The following C5 variants were observed in gnomAD, a reference collection of about 807,000 sequenced individuals.
C5 encodes complement C5.
A neutral mutation model predicts 218.8 loss-of-function variants in C5; 140 were observed. The observed-to-expected ratio is 0.64, with a 90% confidence interval of 0.56 to 0.74. The LOEUF is 0.74. C5 is among the 30% of genes least tolerant of loss of function. C5 has a pLI of 0.00. For synonymous variants in C5, 614 were observed against 682.3 expected (o/e 0.90, Z 1.56); for missense variants, 1,700 against 1,969.6 (o/e 0.86, Z 2.59).
At chr9:121,050,804 TC>T (rs2047666144), upstream of C5, among the ~76,000 whole-genome samples, 1 of 152,158 alleles carries the variant, frequency 6.6e-6, no homozygotes, top group Admixed American at 6.5e-5. Flanking sequence ...AGGGAATTGT[TC>T]CTTGGTCTGT....
rs1303441461 is a variant in C5 at position 121,046,276 on chromosome 9, C to T, written c.173G>A (p.Ser58Asn). Residue 58 changes from serine (S) to asparagine (N), a missense_variant, in exon 2 of 41, where the codon AGT (serine) becomes AAT (asparagine). Ser to Asn is a conservative substitution (Grantham distance 46, BLOSUM62 1). Transcript: ENST00000223642. ...EAFDATISIK[S>N]YPDKKFSYSS... is the part of the protein sequence containing the mutation. ...GTAACTAAATTTTTTATCAGGATAA[C>T]TTTTAATAGAGATTGTTGCATCAAA... is the stretch of plus-strand genomic sequence containing the variant. The T allele has an allele frequency of 6.2e-7, 1 of 1,608,124 alleles. No homozygotes were observed. The highest frequency in any genetic ancestry group is 1.3e-5 in the African/African-American group (1 of 74,752).
intron 39 of C5, among the ~76,000 whole-genome samples, chr9:120,954,958 T>C (rs912222496): frequency 6.6e-6 from 1 of 152,228 alleles, no homozygotes; most frequent in African/African-American, 2.4e-5. Flanking sequence ...TGGGGCCTTA[T>C]TATTTTTTAA....
chr9:120,976,085 C>T (rs41311939), intron 29 of C5, among the ~76,000 whole-genome samples: 3,550 of 152,114 alleles, frequency 0.023, 56 homozygotes, highest in South Asian at 0.044. Context: ...TACTGAAGGC[C>T]CTCTCTACAT....
chr9:120,991,405 T>C, intron 22 of C5, 125 bp from the exon 23 acceptor site: 1 of 661,754 alleles, frequency 1.5e-6, no homozygotes, highest in Non-Finnish European at 2.7e-6. Context: ...ACTATTAAAA[T>C]TTTAAAAGAA....
the C5 span, among the ~76,000 whole-genome samples, chr9:121,061,334 A>C: frequency 6.6e-6 from 1 of 152,230 alleles, no homozygotes; most frequent in Non-Finnish European, 1.5e-5. Context: ...TAAAATATAA[A>C]CATAAAGCCT....
chr9:120,991,122 T>C, intron 23 of C5, 69 bp downstream of exon 23: 2 of 932,570 alleles, frequency 2.1e-6, no homozygotes, highest in South Asian at 1.3e-5. Flanking sequence ...AGAATAATCA[T>C]GAGGATATTT....
chr9:121,004,799 T>C (rs2047202890), intron 20 of C5, among the ~76,000 whole-genome samples: 1 of 152,096 alleles, frequency 6.6e-6, no homozygotes, highest in Non-Finnish European at 1.5e-5. Flanking sequence ...TTTGAGCATT[T>C]AAAAAATTGA....
At chr9:121,045,475 G>T (rs932738853) in intron 2 of C5, among the ~76,000 whole-genome samples, 1 of 151,742 alleles carries the variant, frequency 6.6e-6, no homozygotes, top group Admixed American at 6.6e-5. Flanking sequence ...AATATAATTC[G>T]AATTTTAAGC....
intron 20 of C5, among the ~76,000 whole-genome samples, chr9:121,002,868 T>C (rs1267896102): frequency 2.6e-5 from 4 of 152,164 alleles, no homozygotes; most frequent in Admixed American, 6.5e-5. Flanking sequence ...GTGGTGGGGA[T>C]GGAGCCAAAT....
chr9:120,992,730 A>T (rs2047086169), intron 22 of C5, among the ~76,000 whole-genome samples: 1 of 152,248 alleles, frequency 6.6e-6, no homozygotes. Context: ...TTCCAGACAG[A>T]TTAAAACATT....
intron 25 of C5, among the ~76,000 whole-genome samples, chr9:120,987,605 T>C: frequency 7.5e-6 from 1 of 133,006 alleles, no homozygotes; most frequent in Non-Finnish European, 1.6e-5. Flanking sequence ...GCCACTGCAC[T>C]CCAGCCTGGG....
intron 27 of C5, 100 bp from the exon 28 acceptor site, chr9:120,980,354 G>A: frequency 9.8e-7 from 1 of 1,022,128 alleles, no homozygotes; most frequent in Admixed American, 1.8e-5. Flanking sequence ...CAAGCAATAT[G>A]GGGGTGAAAA....
chr9:121,017,480 G>A lies in C5; in HGVS notation c.1748C>T (p.Ser583Phe). The A allele has an allele frequency of 6.2e-7, 1 of 1,613,870 alleles. No homozygotes were observed. The highest frequency in any genetic ancestry group is 1.1e-5 in the South Asian group (1 of 91,086). The change falls in exon 14 of 41, where the codon TCT (serine) becomes TTT (phenylalanine). Residue 583 changes from serine (S) to phenylalanine (F), a missense_variant. Coordinates refer to ENST00000223642, the MANE Select transcript of C5 (RefSeq NM_001735.3). ...ATTAAGAGACACAGTTTGGCCTGGA[G>A]AATATGCATCTGCATCAGGAGACAG... ...VHLSPDADAY[S>F]PGQTVSLNMA...
chr9:120,967,809 C>A (rs1481602929), intron 33 of C5, among the ~76,000 whole-genome samples: 1 of 151,990 alleles, frequency 6.6e-6, no homozygotes, highest in Non-Finnish European at 1.5e-5. Context: ...GCAGCCTCAA[C>A]CTCCTGGGCT....
At position 120,962,650 on chromosome 9, in the gene C5, T is replaced by A. The variant is rs1171617940; in HGVS notation, c.4504+21A>T. The A allele has an allele frequency of 2.0e-6, 3 of 1,490,334 alleles. No homozygotes were observed. In the Admixed American group the frequency reaches 5.0e-5, roughly 25 times the overall value. 92.3% of individuals were successfully genotyped at this position (1,490,334 alleles called of 1,614,324 possible). A position where few individuals can be genotyped will look rare whatever the true frequency, so the allele number is the denominator to read the frequency against. ...AATACAAAGTATTCTTCTGAAGAAA[T>A]GTTAGCATGGAGTTGATTACCTGGT... On this transcript the variant is annotated intron_variant, in intron 36 of 40. Coordinates refer to ENST00000223642, the MANE Select transcript of C5 (RefSeq NM_001735.3).
At chr9:120,983,929 C>G (rs773585577) in intron 25 of C5, among the ~76,000 whole-genome samples, 5 of 152,200 alleles carry the variant, frequency 3.3e-5, no homozygotes, top group Non-Finnish European at 7.3e-5. Context: ...ATAGTAGATA[C>G]AAGATATAGC....
intron 25 of C5, among the ~76,000 whole-genome samples, chr9:120,988,769 C>T (rs1257615391): frequency 6.6e-6 from 1 of 152,002 alleles, no homozygotes; most frequent in Non-Finnish European, 1.5e-5. Context: ...AGGGCTGAAC[C>T]CAGAAGACTA....
chr9:121,062,586 CAAAG>C, the C5 span, among the ~76,000 whole-genome samples: 4 of 152,084 alleles, frequency 2.6e-5, no homozygotes, highest in Non-Finnish European at 4.4e-5. Flanking sequence ...GCAGAGTAAA[CAAAG>C]AATGTCAAGA....
rs2047451044 is a variant in C5, at chr9:121,029,058, T to C, written c.758+1339A>G. Reference sequence around the variant, plus strand: ...TTAAAAGGTACGTGTCCAATCTCACTGTTATATGAGATCTATTCATAAAAA... The same window carrying C: ...TTAAAAGGTACGTGTCCAATCTCACCGTTATATGAGATCTATTCATAAAAA... On this transcript the variant is annotated intron_variant, in intron 7 of 40. Transcript: ENST00000223642. Among the ~76,000 whole-genome samples, 2 of 152,226 alleles carry C rather than the reference T, an allele frequency of 1.3e-5. 1 individual carries two copies. Among genetic ancestry groups the C allele is most frequent in the South Asian group, 4.1e-4 (2 of 4,834 alleles).
Sources: allele counts gnomAD v4.1 joint callset (sites outside exome capture counted in the v4.1 genomes callset), GRCh38; gene constraint gnomAD v4.1.1; transcripts MANE v1.5; gene names NCBI Gene and HGNC (gene_info 2026-07-23, HGNC 2026-07-21).